HFE: variants seen among roughly 807,000 people sequenced by gnomAD.
The protein encoded by HFE is hereditary hemochromatosis protein.
A neutral mutation model predicts 40.9 loss-of-function variants in HFE; 36 were observed. That is an observed-to-expected ratio of 0.88 (90% CI 0.67 to 1.16). The LOEUF (loss-of-function observed/expected upper bound fraction) is 1.16. Ranked by LOEUF, HFE falls within the 50% of genes most tolerant of loss-of-function variation. The pLI is 0.00. For synonymous variants in HFE, 157 were observed against 165.4 expected (o/e 0.95, Z 0.39); for missense variants, 376 against 432.0 (o/e 0.87, Z 1.15).
chr6:26,087,674 G>A lies in HFE; in HGVS notation c.76+158G>A, dbSNP rs1043211142. 9.2e-5 allele frequency among the ~76,000 whole-genome samples: 14 copies of A among 152,274 alleles called. No homozygotes were observed. The South Asian group carries it at 1.7e-3, about 18-fold the overall frequency. The stretch of plus-strand genomic sequence containing the variant: ...ACTTTCTGCGTCCAGACCCCGTGAG[G>A]GAGTGCCTACCACTGAACTGCAGAT... On this transcript the variant is annotated intron_variant, in intron 1 of 5. Coordinates refer to ENST00000357618, the MANE Select transcript of HFE (RefSeq NM_000410.4).
chr6:26,092,641 G>C (rs1367327027), intron 3 of HFE, 44 bp from the exon 4 acceptor site: 1 of 1,613,944 alleles, frequency 6.2e-7, no homozygotes, highest in Non-Finnish European at 8.5e-7. Context: ...TCCTGGCAAG[G>C]GTAAACAGAT....
chr6:26,097,375 C>A lies in HFE; in HGVS notation c.*3149C>A, dbSNP rs1763081028. 6.6e-6 allele frequency: 1 copy of A among 152,088 alleles called. No homozygotes were observed. Among genetic ancestry groups the A allele is most frequent in the African/African-American group, 2.4e-5 (1 of 41,390 alleles). 9.4% of individuals were successfully genotyped at this position (152,088 alleles called of 1,614,324 possible). A position where few individuals can be genotyped will look rare whatever the true frequency, so the allele number is the denominator to read the frequency against. ...TTTATTCATAAATTCTTAAGGTCAA[C>A]TACATTTGAAAAATCAAAGACCTGC... is the stretch of plus-strand genomic sequence containing the variant. On this transcript the variant is annotated 3_prime_UTR_variant, in exon 6 of 6. Coordinates refer to ENST00000357618, the MANE Select transcript of HFE (RefSeq NM_000410.4).
At position 26,095,374 on chromosome 6, in the gene HFE, A is replaced by G. The variant is rs1762984145; in HGVS notation, c.*1148A>G. ...CGTGGTGGCAGACGCCTGTAGTCCC[A>G]GCTACTCGGAAGGCTGAGGCAGGAG... On this transcript the variant is annotated 3_prime_UTR_variant, in exon 6 of 6. Transcript: ENST00000357618. The G allele has an allele frequency of 1.3e-5, 2 of 152,230 alleles. No homozygotes were observed. The highest frequency in any genetic ancestry group is 4.8e-5 in the African/African-American group (2 of 41,440). 9.4% of individuals were successfully genotyped at this position (152,230 alleles called of 1,614,324 possible).
chr6:26,087,712 C>A (rs1762382171), intron 1 of HFE, among the ~76,000 whole-genome samples, 196 bp downstream of exon 1: 1 of 152,208 alleles, frequency 6.6e-6, no homozygotes, highest in South Asian at 2.1e-4. Context: ...GGGTCCCTCG[C>A]CCCAGGACCT....
Position 26,096,496 on chromosome 6 carries a change from C to T in HFE, c.*2270C>T. 2.2e-6 allele frequency: 1 copy of T among 456,464 alleles called. No homozygotes were observed. The highest frequency in any genetic ancestry group is 4.4e-6 in the Non-Finnish European group (1 of 226,810). The allele number at this position is 456,464 out of a possible 1,614,324, so 28.3% of individuals were successfully genotyped here. Reference sequence around the variant, plus strand: ...TGTTTACTTTATGTTACTACATGCACTTGGCTGCATAAATGTGGTACAAGC... The same window carrying T: ...TGTTTACTTTATGTTACTACATGCATTTGGCTGCATAAATGTGGTACAAGC... On this transcript the variant is annotated 3_prime_UTR_variant, in exon 6 of 6. Transcript: ENST00000357618.
intron 1 of HFE, 42 bp downstream of exon 1, chr6:26,087,558 G>A (rs1762366651): frequency 6.4e-7 from 1 of 1,570,972 alleles, no homozygotes; most frequent in Non-Finnish European, 8.8e-7. Flanking sequence ...CGCGGCGGGG[G>A]TGGAAAAATC....
In HFE at chr6:26,097,166, G is replaced by A. The variant is rs1326127742; in HGVS notation, c.*2940G>A. 1 of 152,372 alleles carries A rather than the reference G, an allele frequency of 6.6e-6. No individual in the cohort carries two copies. The highest frequency in any genetic ancestry group is 1.5e-5 in the Non-Finnish European group (1 of 68,204). The allele number at this position is 152,372 out of a possible 1,614,324, so 9.4% of individuals were successfully genotyped here. On this transcript the variant is annotated 3_prime_UTR_variant, in exon 6 of 6. Transcript: ENST00000357618. ...ATGTTACAATTAATTTATTAGGTAA[G>A]CATTTGTTTTATATTGGTTTTATTT...
intron 1 of HFE, among the ~76,000 whole-genome samples, chr6:26,089,117 G>A (rs1163872168): frequency 1.4e-5 from 2 of 147,470 alleles, no homozygotes; most frequent in South Asian, 2.2e-4. Context: ...GTGGGGGGGG[G>A]GGGCGGCGTG....
Position 26,096,428 on chromosome 6 carries a change from C to T in HFE, c.*2202C>T. On this transcript the variant is annotated 3_prime_UTR_variant, in exon 6 of 6. Coordinates refer to ENST00000357618, the MANE Select transcript of HFE (RefSeq NM_000410.4). ...AGATTACAGGTGTGAGCCACCCTGC[C>T]CAGCCGTCAAAAGAGTCTTAATATA... 2.2e-6 allele frequency: 1 copy of T among 455,468 alleles called. No individual in the cohort carries two copies. Among genetic ancestry groups the T allele is most frequent in the Non-Finnish European group, 4.4e-6 (1 of 226,778 alleles). The allele number at this position is 455,468 out of a possible 1,614,324, so 28.2% of individuals were successfully genotyped here.
intron 1 of HFE, 53 bp downstream of exon 1, chr6:26,087,569 G>T (rs1298890099): frequency 3.4e-6 from 5 of 1,489,840 alleles, no homozygotes; most frequent in Non-Finnish European, 4.7e-6. Flanking sequence ...TGGAAAAATC[G>T]AAACTAGCTT....
intron 1 of HFE, among the ~76,000 whole-genome samples, chr6:26,090,207 C>T (rs888152247): frequency 2.0e-5 from 3 of 152,082 alleles, no homozygotes; most frequent in Admixed American, 2.0e-4. Context: ...ACTTTGGTGG[C>T]TGAGGCAGGT....
chr6:26,093,820 G>A (rs1348415567), intron 5 of HFE, among the ~76,000 whole-genome samples: 1 of 152,094 alleles, frequency 6.6e-6, no homozygotes, highest in Non-Finnish European at 1.5e-5. Flanking sequence ...CACCAATTAT[G>A]CATTTCTACC....
At chr6:26,087,590 C>A in intron 1 of HFE, 74 bp downstream of exon 1, 3 of 1,361,778 alleles carry the variant, frequency 2.2e-6, no homozygotes, top group Non-Finnish European at 2.1e-6. Flanking sequence ...TTTCTTTGCG[C>A]TTGGGAGTTT....
chr6:26,090,633 G>A (rs1762628377), intron 1 of HFE, among the ~76,000 whole-genome samples: 1 of 151,946 alleles, frequency 6.6e-6, no homozygotes, highest in Middle Eastern at 3.2e-3. Context: ...GGGGCAGTGA[G>A]GGGGTGGCAG....
chr6:26,089,124 C>A (rs1218425261), intron 1 of HFE, among the ~76,000 whole-genome samples: 1 of 5,580 alleles, frequency 1.8e-4, no homozygotes, highest in Non-Finnish European at 4.3e-4. Context: ...GGGGGGGCGG[C>A]GTGGGGGTGG....
chr6:26,091,122 C>G lies in HFE; in HGVS notation c.340+18C>G. ...CAGCAAGGGTATGTGGAGAGGGGGC[C>G]TCACCTTCCTGAGGTTGTCAGAGCT... is the stretch of plus-strand genomic sequence containing the variant. On this transcript the variant is annotated intron_variant, in intron 2 of 5. Transcript: ENST00000357618. 3 of 1,613,952 alleles carry G rather than the reference C, an allele frequency of 1.9e-6. 1 individual carries two copies. The highest frequency in any genetic ancestry group is 2.2e-5 in the South Asian group (2 of 91,050).
rs746287549 is a variant in HFE, at chr6:26,093,251, G to A, written c.1006+19G>A. 3 of 1,551,726 alleles carry A rather than the reference G, an allele frequency of 1.9e-6. No homozygotes were observed. In the African/African-American group the frequency reaches 4.1e-5, roughly 21 times the overall value. On this transcript the variant is annotated intron_variant, in intron 5 of 5. Transcript: ENST00000357618. ...GGTTCAAGTGAGTAGGAACAAGGGG[G>A]AAGTCTCTTAGTACCTCTGCCCCAG...
Position 26,093,201 on chromosome 6 carries a change from G to A in HFE, c.975G>A (p.Leu325=). The A allele has an allele frequency of 6.2e-7, 1 of 1,613,926 alleles. No individual in the cohort carries two copies. The highest frequency in any genetic ancestry group is 8.5e-7 in the Non-Finnish European group (1 of 1,179,844). Residue 325 remains leucine, a synonymous_variant, in exon 5 of 6, where the codon TTG becomes TTA. Coordinates refer to ENST00000357618, the MANE Select transcript of HFE (RefSeq NM_000410.4). The part of the protein sequence containing the change: ...VFVVILFIGI[L]FIILRKRQGS... ...TCGTCATCTTGTTCATTGGAATTTTGTTCATAATATTAAGGAAGAGGCAGG... is the reference window on the plus strand; with the variant it reads ...TCGTCATCTTGTTCATTGGAATTTTATTCATAATATTAAGGAAGAGGCAGG...
At position 26,094,138 on chromosome 6, in the gene HFE, G is replaced by A. The variant is rs771646958; in HGVS notation, c.1007-48G>A. 4 of 1,572,756 alleles carry A rather than the reference G, an allele frequency of 2.5e-6. No individual in the cohort carries two copies. The South Asian group carries it at 4.4e-5, about 17-fold the overall frequency. On this transcript the variant is annotated intron_variant, in intron 5 of 5. Coordinates refer to ENST00000357618, the MANE Select transcript of HFE (RefSeq NM_000410.4). ...ATAAGGAAGAGAGAAGAGGCAAGAT[G>A]GTGCCTAGGTTTGTGATGCCTCTTT...
Sources: gnomAD v4.1 joint callset for allele counts (sites outside exome capture counted in the v4.1 genomes callset) on GRCh38, gnomAD v4.1.1 for gene constraint, MANE v1.5 for transcripts, NCBI Gene and HGNC (gene_info 2026-07-23, HGNC 2026-07-21) for gene names.